DENND5A: variants seen among roughly 807,000 people sequenced by gnomAD.
The protein encoded by DENND5A is DENN domain-containing protein 5A.
In DENND5A, 64 loss-of-function variants were observed where a neutral mutation model predicts 140.3. The observed-to-expected ratio is 0.46, with a 90% CI of 0.37 to 0.56. DENND5A has a LOEUF of 0.56. Among genes scored for constraint, DENND5A ranks in the 20% least tolerant of loss-of-function variants. DENND5A has a pLI of 0.00. For missense variants in DENND5A, 1,292 were observed against 1,593.8 expected (o/e 0.81, Z 3.22); for synonymous variants, 605 against 607.7 (o/e 1.00, Z 0.07).
chr11:9,152,908 G>A (rs1847669504), intron 12 of DENND5A, among the ~76,000 whole-genome samples: 1 of 151,386 alleles, frequency 6.6e-6, no homozygotes, highest in African/African-American at 2.4e-5. Context: ...GGAGGCAGGA[G>A]AATCACTTGA....
chr11:9,173,003 T>A (rs1002390347), intron 8 of DENND5A, among the ~76,000 whole-genome samples: 2 of 151,500 alleles, frequency 1.3e-5, no homozygotes, highest in African/African-American at 4.9e-5. Context: ...TTTTTATATG[T>A]TTAGTAGCAA....
At chr11:9,155,762 T>C (rs756372812) in intron 12 of DENND5A, among the ~76,000 whole-genome samples, 1 of 152,226 alleles carries the variant, frequency 6.6e-6, no homozygotes, top group East Asian at 1.9e-4. Context: ...CAAACCTCTA[T>C]CTGATAGAAA....
chr11:9,231,805 A>G (rs1436924159), intron 1 of DENND5A, among the ~76,000 whole-genome samples: 1 of 149,856 alleles, frequency 6.7e-6, no homozygotes. Flanking sequence ...AAGAACTTTT[A>G]TAGTAATAAA....
rs192647605 is a variant in DENND5A, at chr11:9,245,927, C to T, written c.109+19034G>A. Among the ~76,000 whole-genome samples the T allele has an allele frequency of 2.9e-3, 445 of 152,264 alleles. 2 individuals carry two copies. Among genetic ancestry groups the T allele is most frequent in the African/African-American group, 0.01 (421 of 41,566 alleles). ...GGGATTATAGGCGTGAGCCACCATGCCCAACCTATCTCTTCATAATTAATA... is the reference window on the plus strand; with the variant it reads ...GGGATTATAGGCGTGAGCCACCATGTCCAACCTATCTCTTCATAATTAATA... On this transcript the variant is annotated intron_variant, in intron 1 of 22. Coordinates refer to ENST00000328194, the MANE Select transcript of DENND5A (RefSeq NM_015213.4).
chr11:9,215,841 C>T (rs1469973661), intron 1 of DENND5A, among the ~76,000 whole-genome samples: 3 of 152,098 alleles, frequency 2.0e-5, no homozygotes, highest in East Asian at 3.9e-4. Context: ...TGAGCCACCG[C>T]GCCTGGCCGT....
At chr11:9,256,152 GCAT>G (rs1182615869) in intron 1 of DENND5A, among the ~76,000 whole-genome samples, 1 of 151,972 alleles carries the variant, frequency 6.6e-6, no homozygotes, top group Non-Finnish European at 1.5e-5. Context: ...AATGTTCATA[GCAT>G]TATTCAAAAC....
chr11:9,151,649 A>T (rs1027383300), intron 13 of DENND5A, among the ~76,000 whole-genome samples: 3 of 152,218 alleles, frequency 2.0e-5, no homozygotes, highest in African/African-American at 7.2e-5. Flanking sequence ...ACAAAGGATG[A>T]TGTGAAGGGG....
chr11:9,214,561 G>A (rs1190960982), intron 1 of DENND5A, among the ~76,000 whole-genome samples: 9 of 152,186 alleles, frequency 5.9e-5, no homozygotes, highest in South Asian at 2.1e-4. Flanking sequence ...CTCCTACACC[G>A]TAAAGAAAAG....
chr11:9,255,557 C>A (rs911903319), intron 1 of DENND5A, among the ~76,000 whole-genome samples: 1 of 151,996 alleles, frequency 6.6e-6, no homozygotes, highest in Non-Finnish European at 1.5e-5. Context: ...CATGGTAAAA[C>A]CCCGTTTCTA....
At chr11:9,143,792 A>G (rs1847327771) in intron 19 of DENND5A, among the ~76,000 whole-genome samples, 1 of 152,240 alleles carries the variant, frequency 6.6e-6, no homozygotes, top group South Asian at 2.1e-4. Context: ...AAGCCCAGGA[A>G]TCAGGCAGGG....
chr11:9,170,130 TGA>T, intron 9 of DENND5A, 181 bp from the exon 10 acceptor site: 2 of 409,084 alleles, frequency 4.9e-6, no homozygotes, highest in Non-Finnish European at 6.6e-6. Flanking sequence ...TGACTGGACA[TGA>T]GAGAGACACC....
rs994826214 is a variant in DENND5A at position 9,253,048 on chromosome 11, C to T, written c.109+11913G>A. Among the ~76,000 whole-genome samples the T allele has an allele frequency of 9.9e-5, 15 of 151,980 alleles. No homozygotes were observed. In the East Asian group the frequency reaches 2.3e-3, roughly 23 times the overall value. ...CTATTTTCTGTAGAGACCCGAGTCT[C>T]GCCATGTTGCCCAGGATTGTCTCAA... On this transcript the variant is annotated intron_variant, in intron 1 of 22. Transcript: ENST00000328194.
chr11:9,223,118 G>A (rs1348943258), intron 1 of DENND5A, among the ~76,000 whole-genome samples: 4 of 152,182 alleles, frequency 2.6e-5, no homozygotes, highest in Non-Finnish European at 5.9e-5. Context: ...GGCTGGGCGC[G>A]GTGGCTCATG....
At chr11:9,154,405 T>G (rs1442410615) in intron 12 of DENND5A, among the ~76,000 whole-genome samples, 3 of 152,166 alleles carry the variant, frequency 2.0e-5, no homozygotes, top group Non-Finnish European at 4.4e-5. Context: ...ACTTTTTAAG[T>G]TATACTTTCT....
intron 1 of DENND5A, among the ~76,000 whole-genome samples, chr11:9,243,448 C>T (rs1001350069): frequency 5.3e-5 from 8 of 152,004 alleles, no homozygotes; most frequent in African/African-American, 1.9e-4. Flanking sequence ...TGTGTGGGTA[C>T]ACTTATACAT....
chr11:9,260,866 T>G (rs192645553), intron 1 of DENND5A, among the ~76,000 whole-genome samples: 36 of 152,322 alleles, frequency 2.4e-4, no homozygotes, highest in Admixed American at 1.3e-3. Flanking sequence ...TTTGTTTATT[T>G]GAGACAGGGT....
At chr11:9,201,377 TAAA>T (rs35169343) in intron 4 of DENND5A, among the ~76,000 whole-genome samples, 2 of 131,932 alleles carry the variant, frequency 1.5e-5, no homozygotes, top group African/African-American at 5.4e-5. Context: ...TCTATTTCTT[TAAA>T]AAAAAAAAAA....
At chr11:9,263,917 C>T (rs1852328423) in intron 1 of DENND5A, among the ~76,000 whole-genome samples, 1 of 150,016 alleles carries the variant, frequency 6.7e-6, no homozygotes, top group Non-Finnish European at 1.5e-5. Flanking sequence ...ACTGTCTTGT[C>T]ATCGTTGAAG....
intron 1 of DENND5A, among the ~76,000 whole-genome samples, chr11:9,225,974 G>C (rs893763452): frequency 1.2e-4 from 19 of 152,114 alleles, no homozygotes; most frequent in African/African-American, 3.1e-4. Flanking sequence ...CAGCTACCTG[G>C]AAGGCTGAGG....
Sources: gnomAD v4.1 joint callset for allele counts (sites outside exome capture counted in the v4.1 genomes callset) on GRCh38, gnomAD v4.1.1 for gene constraint, MANE v1.5 for transcripts, NCBI Gene and HGNC (gene_info 2026-07-23, HGNC 2026-07-21) for gene names.